CNGB3: variants seen among roughly 807,000 people sequenced by gnomAD.
The protein encoded by CNGB3 is cyclic nucleotide gated channel subunit beta 3.
In CNGB3, 86 loss-of-function variants were observed where a neutral mutation model predicts 92.8. The observed-to-expected ratio is 0.93, with a 90% confidence interval of 0.78 to 1.11. The LOEUF (loss-of-function observed/expected upper bound fraction) is 1.11. Ranked by LOEUF, CNGB3 falls within the 50% of genes least tolerant of loss-of-function variation. The pLI is 0.00. For missense variants in CNGB3, 1,026 were observed against 956.8 expected, an observed-to-expected ratio of 1.07 and a Z score of -0.95; for synonymous variants, 333 against 332.7, an observed-to-expected ratio of 1.00 and a Z score of -0.01.
intron 17 of CNGB3, 53 bp downstream of exon 17, chr8:86,578,636 A>T (rs887249088): frequency 2.2e-5 from 34 of 1,560,358 alleles, no homozygotes; most frequent in Middle Eastern, 4.4e-4. Context: ...GTGTGTATAT[A>T]CTTAGTCTGG....
At position 86,574,387 on chromosome 8, in the gene CNGB3, A is replaced by G. The variant is rs574196021; in HGVS notation, c.*1417T>C. On this transcript the variant is annotated 3_prime_UTR_variant, in exon 18 of 18. Coordinates refer to ENST00000320005, the MANE Select transcript of CNGB3 (RefSeq NM_019098.5). ...CATACAAACTCCCATTTATCAAATA[A>G]ATACTATTTAACAATTTGTCCATAT... The G allele has an allele frequency of 7.9e-5, 12 of 152,316 alleles. No individual in the cohort carries two copies. Among genetic ancestry groups the G allele is most frequent in the Admixed American group, 7.8e-4 (12 of 15,294 alleles). The allele number at this position is 152,316 out of a possible 1,614,324, so 9.4% of individuals were successfully genotyped here.
At chr8:86,697,991 A>G (rs1443260510) in intron 3 of CNGB3, among the ~76,000 whole-genome samples, 2 of 152,164 alleles carry the variant, frequency 1.3e-5, no homozygotes, top group African/African-American at 2.4e-5. Flanking sequence ...TTATGGCTGT[A>G]TAGTATTCCA....
At chr8:86,634,964 CTT>C (rs34047280) in intron 10 of CNGB3, among the ~76,000 whole-genome samples, 7 of 144,238 alleles carry the variant, frequency 4.9e-5, no homozygotes, top group African/African-American at 5.1e-5. Context: ...ACATAGGACT[CTT>C]TTTTTTTTTT....
intron 12 of CNGB3, among the ~76,000 whole-genome samples, chr8:86,627,382 G>A (rs1368681520): frequency 1.3e-5 from 2 of 152,198 alleles, no homozygotes; most frequent in East Asian, 1.9e-4. Context: ...TCTAGAGAGA[G>A]GCATGTTGTT....
intron 2 of CNGB3, among the ~76,000 whole-genome samples, chr8:86,734,160 C>A (rs1200557397): frequency 6.6e-6 from 1 of 152,220 alleles, no homozygotes; most frequent in South Asian, 2.1e-4. Flanking sequence ...GCCTGGCCAG[C>A]TTTATTATTA....
chr8:86,595,302 A>G (rs868227317), intron 15 of CNGB3, among the ~76,000 whole-genome samples: 2 of 152,272 alleles, frequency 1.3e-5, no homozygotes, highest in South Asian at 4.1e-4. Context: ...TCAAGGTATG[A>G]CTCTCAGAAT....
Position 86,611,324 on chromosome 8 carries a change from C to T in CNGB3, c.1662+264G>A, listed in dbSNP as rs117285539. ...AATATTTGAAATTAATAAGCTGTGACGATTGATAATTAACATTTAAACAGA... is the reference window on the plus strand; with the variant it reads ...AATATTTGAAATTAATAAGCTGTGATGATTGATAATTAACATTTAAACAGA... On this transcript the variant is annotated intron_variant, in intron 14 of 17. Coordinates refer to ENST00000320005, the MANE Select transcript of CNGB3 (RefSeq NM_019098.5). Among the ~76,000 whole-genome samples the T allele has an allele frequency of 3.0e-4, 46 of 152,230 alleles. No homozygotes were observed. In the East Asian group the frequency reaches 4.6e-3, roughly 15 times the overall value.
chr8:86,658,368 C>A, intron 6 of CNGB3: 1 of 437,814 alleles, frequency 2.3e-6, no homozygotes, highest in Non-Finnish European at 4.3e-6. Context: ...ATCTCCTTCC[C>A]CATGGAGAGC....
chr8:86,720,792 C>T (rs1824951694), intron 3 of CNGB3, among the ~76,000 whole-genome samples: 1 of 145,232 alleles, frequency 6.9e-6, no homozygotes, highest in African/African-American at 2.6e-5. Flanking sequence ...ATATATATCA[C>T]AACTTATATA....
chr8:86,589,550 G>A lies in CNGB3; in HGVS notation c.1782-10298C>T, dbSNP rs1435251675. On this transcript the variant is annotated intron_variant, in intron 15 of 17. Transcript: ENST00000320005. Reference sequence around the variant, plus strand: ...TCTGGTATGTTGCGTCTTTGTTCTCGTTGGTTTCAAAGAACATCTTTATTT... The same window carrying A: ...TCTGGTATGTTGCGTCTTTGTTCTCATTGGTTTCAAAGAACATCTTTATTT... Among the ~76,000 whole-genome samples, 22 of 152,060 alleles carry A rather than the reference G, an allele frequency of 1.4e-4. No individual in the cohort carries two copies. In the South Asian group the frequency reaches 1.9e-3, roughly 13 times the overall value.
intron 15 of CNGB3, chr8:86,593,785 C>T: frequency 7.5e-7 from 1 of 1,331,132 alleles, no homozygotes. Flanking sequence ...TATCAATGAG[C>T]CCCTGGTAGT....
intron 2 of CNGB3, among the ~76,000 whole-genome samples, chr8:86,737,468 G>T (rs1309377218): frequency 6.6e-6 from 1 of 151,894 alleles, no homozygotes; most frequent in Admixed American, 6.6e-5. Context: ...ATGAGAGTGG[G>T]GCCATTTGTT....
At chr8:86,605,629 A>C (rs1933146128) in intron 14 of CNGB3, among the ~76,000 whole-genome samples, 2 of 152,208 alleles carry the variant, frequency 1.3e-5, no homozygotes, top group African/African-American at 4.8e-5. Flanking sequence ...TTTAGCCTAC[A>C]TCATTCTTTG....
chr8:86,674,255 C>T (rs1394546558), intron 3 of CNGB3, among the ~76,000 whole-genome samples: 3 of 152,312 alleles, frequency 2.0e-5, no homozygotes, highest in Admixed American at 6.5e-5. Context: ...CCTAATTGAC[C>T]ATATAATTGC....
intron 3 of CNGB3, among the ~76,000 whole-genome samples, chr8:86,704,870 A>G (rs1824622651): frequency 6.6e-6 from 1 of 152,146 alleles, no homozygotes; most frequent in Non-Finnish European, 1.5e-5. Flanking sequence ...CTTTTAAAAT[A>G]CCGTCTATTT....
chr8:86,740,011 A>G (rs1427043202), intron 1 of CNGB3, among the ~76,000 whole-genome samples: 1 of 152,174 alleles, frequency 6.6e-6, no homozygotes, highest in East Asian at 1.9e-4. Flanking sequence ...TACTTGCCAT[A>G]GGCCTAGCAT....
At chr8:86,667,742 G>A (rs1056942175) in intron 5 of CNGB3, among the ~76,000 whole-genome samples, 3 of 152,188 alleles carry the variant, frequency 2.0e-5, no homozygotes, top group African/African-American at 7.2e-5. Flanking sequence ...GTGTGTCAGT[G>A]CACATATTGC....
chr8:86,632,630 A>C, intron 11 of CNGB3, 122 bp downstream of exon 11: 2 of 1,012,234 alleles, frequency 2.0e-6, no homozygotes, highest in South Asian at 3.0e-5. Flanking sequence ...AAAATAGAAG[A>C]AAGTTAGTTC....
At chr8:86,610,690 C>T (rs984992825) in intron 14 of CNGB3, among the ~76,000 whole-genome samples, 1 of 152,136 alleles carries the variant, frequency 6.6e-6, no homozygotes, top group African/African-American at 2.4e-5. Context: ...TTTTGAACTA[C>T]TCATTTTTCT....
Sources: gnomAD v4.1 joint callset for allele counts (sites outside exome capture counted in the v4.1 genomes callset) on GRCh38, gnomAD v4.1.1 for gene constraint, MANE v1.5 for transcripts, NCBI Gene and HGNC (gene_info 2026-07-23, HGNC 2026-07-21) for gene names.